Variants in PPM1E observed in about 807,000 individuals in gnomAD.
PPM1E encodes protein phosphatase, Mg2+/Mn2+ dependent 1E.
PPM1E carries 20 observed loss-of-function variants against 65.9 expected under a neutral mutation model. The ratio of observed to expected loss-of-function variants is 0.30; its 90% CI spans 0.21 to 0.44. PPM1E has a LOEUF of 0.44. PPM1E is among the 20% of genes least tolerant of loss of function. The pLI is 1.00. For missense variants in PPM1E, 713 were observed against 953.1 expected (o/e 0.75, Z 3.32); for synonymous variants, 352 against 374.9 (o/e 0.94, Z 0.70).
chr17:58,954,784 A>T (rs2029865459), intron 1 of PPM1E, among the ~76,000 whole-genome samples: 1 of 151,066 alleles, frequency 6.6e-6, no homozygotes, highest in Non-Finnish European at 1.5e-5. Flanking sequence ...AGGCTGAGGC[A>T]TGAGAAAATA....
Position 58,972,181 on chromosome 17 carries a change from T to C in PPM1E, c.1022T>C (p.Met341Thr), listed in dbSNP as rs779459036. ...GTGGTGACTTTCATCAGAGGCAACA[T>C]GCTACATGTGGCCTGGGTGGGTGAT... is the stretch of plus-strand genomic sequence containing the variant. The part of the protein sequence containing the change: ...TGVVTFIRGN[M>T]LHVAWVGDSQ... The change falls in exon 5 of 7, where the codon ATG (methionine) becomes ACG (threonine). Residue 341 changes from methionine to threonine, a missense_variant. Met to Thr is a moderately conservative substitution (Grantham distance 81, BLOSUM62 -1). Transcript: ENST00000308249. 2 of 1,614,124 alleles carry C rather than the reference T, an allele frequency of 1.2e-6. No homozygotes were observed. Among genetic ancestry groups the C allele is most frequent in the South Asian group, 1.1e-5 (1 of 91,088 alleles).
chr17:58,844,654 A>C (rs972732193), intron 1 of PPM1E, among the ~76,000 whole-genome samples: 1 of 152,240 alleles, frequency 6.6e-6, no homozygotes, highest in African/African-American at 2.4e-5. Flanking sequence ...AATTATTTCC[A>C]TGAAAATGTG....
chr17:58,783,867 C>G (rs2050072386), intron 1 of PPM1E, among the ~76,000 whole-genome samples: 1 of 151,728 alleles, frequency 6.6e-6, no homozygotes, highest in African/African-American at 2.4e-5. Flanking sequence ...ACCACCACGC[C>G]CAGCTACTTT....
chr17:58,934,732 G>C (rs549014074), intron 1 of PPM1E, among the ~76,000 whole-genome samples: 1 of 152,194 alleles, frequency 6.6e-6, no homozygotes, highest in Admixed American at 6.5e-5. Flanking sequence ...TTTGAGACCA[G>C]CCTGGCCAAC....
chr17:58,919,734 C>T (rs796346482), intron 1 of PPM1E, among the ~76,000 whole-genome samples: 1 of 151,810 alleles, frequency 6.6e-6, no homozygotes, highest in Non-Finnish European at 1.5e-5. Flanking sequence ...TTGCAGTGAG[C>T]CGAGATCACA....
chr17:58,936,267 A>C (rs1368758902), intron 1 of PPM1E, among the ~76,000 whole-genome samples: 1 of 152,110 alleles, frequency 6.6e-6, no homozygotes, highest in Non-Finnish European at 1.5e-5. Flanking sequence ...ACTTGCCTTC[A>C]TTATTTTTAG....
chr17:58,951,612 T>A (rs1598672464), intron 1 of PPM1E: 1 of 150,098 alleles, frequency 6.7e-6, no homozygotes, highest in African/African-American at 2.5e-5. Context: ...GAGGTGGAGG[T>A]TGCAGTGAGC....
intron 1 of PPM1E, among the ~76,000 whole-genome samples, chr17:58,920,913 A>G (rs1305821408): frequency 1.3e-5 from 2 of 152,202 alleles, no homozygotes; most frequent in Non-Finnish European, 2.9e-5. Context: ...AAGAGAAACC[A>G]GTGAACAAGA....
At chr17:58,787,585 A>G (rs1020978690) in intron 1 of PPM1E, among the ~76,000 whole-genome samples, 1 of 152,036 alleles carries the variant, frequency 6.6e-6, no homozygotes, top group Non-Finnish European at 1.5e-5. Context: ...ACATAACCAT[A>G]CAGAAGTTGT....
At chr17:58,951,568 C>A (rs146382983) in intron 1 of PPM1E, 1 of 150,522 alleles carries the variant, frequency 6.6e-6, no homozygotes, top group African/African-American at 2.5e-5. Context: ...CAGCTACTTG[C>A]GGGGGCTGAG....
chr17:58,952,604 T>C (rs1220860926), intron 1 of PPM1E, among the ~76,000 whole-genome samples: 5 of 152,314 alleles, frequency 3.3e-5, no homozygotes, highest in South Asian at 2.1e-4. Flanking sequence ...CACAGGCACA[T>C]GGCTGCTTGG....
chr17:58,975,463 C>A lies in PPM1E; in HGVS notation c.1210+2538C>A, dbSNP rs566204300. On this transcript the variant is annotated intron_variant, in intron 6 of 6. Coordinates refer to ENST00000308249, the MANE Select transcript of PPM1E (RefSeq NM_014906.5). ...ACCAACCTGGGCAACATAGTGATAC[C>A]TCATCTCTATTTTAATAATAAAAAA... Among the ~76,000 whole-genome samples, 3 of 152,124 alleles carry A rather than the reference C, an allele frequency of 2.0e-5. No homozygotes were observed. The East Asian group carries it at 5.8e-4, about 29-fold the overall frequency.
intron 1 of PPM1E, among the ~76,000 whole-genome samples, chr17:58,864,700 G>A (rs1422842255): frequency 6.6e-6 from 1 of 151,848 alleles, no homozygotes; most frequent in Non-Finnish European, 1.5e-5. Context: ...CACTTTGAGA[G>A]GCAGAGGTGG....
intron 1 of PPM1E, among the ~76,000 whole-genome samples, chr17:58,897,534 A>G (rs2051437530): frequency 6.6e-6 from 1 of 152,220 alleles, no homozygotes; most frequent in Admixed American, 6.5e-5. Flanking sequence ...TTAACACAAC[A>G]TCCCCATTCT....
chr17:58,848,583 T>G (rs1010223161), intron 1 of PPM1E, among the ~76,000 whole-genome samples: 1 of 152,226 alleles, frequency 6.6e-6, no homozygotes, highest in Admixed American at 6.5e-5. Context: ...GTTTATTGAT[T>G]TGCTCATGTT....
At chr17:58,830,621 G>A (rs1297640919) in intron 1 of PPM1E, among the ~76,000 whole-genome samples, 1 of 151,832 alleles carries the variant, frequency 6.6e-6, no homozygotes, top group Non-Finnish European at 1.5e-5. Context: ...TGTTATTATT[G>A]AGAAAGATGA....
intron 1 of PPM1E, among the ~76,000 whole-genome samples, chr17:58,851,866 C>T (rs1375132264): frequency 6.6e-6 from 1 of 152,222 alleles, no homozygotes; most frequent in African/African-American, 2.4e-5. Flanking sequence ...CAGCTATGCC[C>T]TGCTCCCAGA....
chr17:58,961,387 T>C (rs545132820), intron 2 of PPM1E, among the ~76,000 whole-genome samples: 1 of 152,224 alleles, frequency 6.6e-6, no homozygotes, highest in Non-Finnish European at 1.5e-5. Flanking sequence ...AATTTGGAGA[T>C]GAAGAACATG....
intron 1 of PPM1E, among the ~76,000 whole-genome samples, chr17:58,766,617 A>T (rs1332769300): frequency 1.3e-5 from 2 of 152,042 alleles, no homozygotes; most frequent in Non-Finnish European, 2.9e-5. Context: ...ACACACACAC[A>T]CACACACACA....
Sources: gnomAD v4.1 joint callset for allele counts (sites outside exome capture counted in the v4.1 genomes callset) on GRCh38, gnomAD v4.1.1 for gene constraint, MANE v1.5 for transcripts, NCBI Gene and HGNC (gene_info 2026-07-23, HGNC 2026-07-21) for gene names.